Variants in KALRN observed in about 807,000 individuals in gnomAD.
KALRN encodes the protein kalirin.
Under a neutral mutation model 353.7 loss-of-function variants are expected in KALRN, and 70 were observed. The observed-to-expected ratio is 0.20, with a 90% CI of 0.16 to 0.24. The LOEUF is 0.24. KALRN is among the 10% of genes least tolerant of loss of function. The probability of loss-of-function intolerance (pLI) is 1.00; values close to 1 mark genes in which losing one functional copy is unlikely to be tolerated. For missense variants in KALRN, 2,791 were observed against 3,756.7 expected, an observed-to-expected ratio of 0.74 and a Z score of 6.72; for synonymous variants, 1,391 against 1,434.8, an observed-to-expected ratio of 0.97 and a Z score of 0.69.
Position 124,041,244 on chromosome 3 carries a change from G to C in KALRN, c.73+7431G>C, listed in dbSNP as rs185091223. On this transcript the variant is annotated intron_variant, in intron 1 of 59. Coordinates refer to ENST00000682506, the MANE Select transcript of KALRN (RefSeq NM_001388419.1). Reference sequence around the variant, plus strand: ...ACTCCATTTTGCTCTCTACTTACATGAATAACTTGGACAAATGACTTTAAC... The same window carrying C: ...ACTCCATTTTGCTCTCTACTTACATCAATAACTTGGACAAATGACTTTAAC... Among the ~76,000 whole-genome samples, 21 of 152,236 alleles carry C rather than the reference G, an allele frequency of 1.4e-4. No homozygotes were observed. In the East Asian group the frequency reaches 3.7e-3, roughly 27 times the overall value.
chr3:124,475,825 A>G (rs2061379827), intron 26 of KALRN, among the ~76,000 whole-genome samples: 4 of 152,182 alleles, frequency 2.6e-5, no homozygotes, highest in Admixed American at 2.6e-4. Context: ...GTTTCTTCAG[A>G]AAGTCTTAGC....
At chr3:124,069,784 C>G (rs186717627) in intron 1 of KALRN, among the ~76,000 whole-genome samples, 1 of 152,110 alleles carries the variant, frequency 6.6e-6, no homozygotes, top group Non-Finnish European at 1.5e-5. Flanking sequence ...GCAGCTGAAG[C>G]TCAGAGGAAA....
chr3:124,300,213 A>G (rs908770326), intron 6 of KALRN, among the ~76,000 whole-genome samples: 13 of 152,222 alleles, frequency 8.5e-5, no homozygotes, highest in Admixed American at 7.9e-4. Context: ...TTTTAATTAA[A>G]TAATTCTGGC....
At chr3:124,057,703 A>G (rs1407756452) in intron 1 of KALRN, among the ~76,000 whole-genome samples, 1 of 152,158 alleles carries the variant, frequency 6.6e-6, no homozygotes, top group Non-Finnish European at 1.5e-5. Context: ...TGTTGATGTC[A>G]TCAGCTGCTG....
At chr3:124,315,530 T>C (rs1560541163) in intron 6 of KALRN, among the ~76,000 whole-genome samples, 1 of 152,064 alleles carries the variant, frequency 6.6e-6, no homozygotes, top group Non-Finnish European at 1.5e-5. Context: ...GCTGGTTCTC[T>C]ACCCACGATC....
chr3:124,228,599 G>C lies in KALRN; in HGVS notation c.148+535G>C, dbSNP rs144922407. ...AAGACCTCTTAATGTCTCACTCTGG[G>C]GTAAGCAATCTGTAGCTGGTGGGCC... On this transcript the variant is annotated intron_variant, in intron 2 of 59. Transcript: ENST00000682506. Among the ~76,000 whole-genome samples the C allele has an allele frequency of 2.5e-3, 375 of 152,170 alleles. 1 individual carries two copies. The highest frequency in any genetic ancestry group is 8.1e-3 in the African/African-American group (335 of 41,510).
At chr3:124,572,963 G>C (rs1197013410) in intron 34 of KALRN, among the ~76,000 whole-genome samples, 1 of 152,170 alleles carries the variant, frequency 6.6e-6, no homozygotes, top group Non-Finnish European at 1.5e-5. Context: ...CTTGAGCCCA[G>C]GAGGTCGAGC....
Position 124,530,566 on chromosome 3 carries a change from A to AT in KALRN, c.4936-32270dup, listed in dbSNP as rs1392357799. On this transcript the variant is annotated intron_variant, in intron 33 of 59. Coordinates refer to ENST00000682506, the MANE Select transcript of KALRN (RefSeq NM_001388419.1). Reference sequence around the variant, plus strand: ...ACCACCACACTTAACTAATTTTTGTATTTTTTTGTAGAGATGGGGTCTCAC... The same window carrying AT: ...ACCACCACACTTAACTAATTTTTGTATTTTTTTTGTAGAGATGGGGTCTCAC... Among the ~76,000 whole-genome samples the AT allele has an allele frequency of 1.1e-4, 16 of 151,960 alleles. No individual in the cohort carries two copies. The East Asian group carries it at 3.1e-3, about 29-fold the overall frequency.
chr3:124,388,903 T>C (rs926458312), intron 11 of KALRN, among the ~76,000 whole-genome samples: 2 of 152,150 alleles, frequency 1.3e-5, no homozygotes, highest in African/African-American at 4.8e-5. Context: ...GATCCTGAGT[T>C]CATTAACTCT....
Position 124,482,891 on chromosome 3 carries a change from G to A in KALRN, c.4275G>A (p.Leu1425=), listed in dbSNP as rs1316103998. The change falls in exon 28 of 60, where the codon CTG becomes CTA. Residue 1425 remains leucine (L), a synonymous_variant. Coordinates refer to ENST00000682506, the MANE Select transcript of KALRN (RefSeq NM_001388419.1). ...KPVQRITKYQ[L]LLKELLTCCE... is the part of the protein sequence containing the mutation. ...TCCAAAGGATCACCAAATATCAACT[G>A]CTCCTGAAGGTACCTCCCCTCCCCT... is the stretch of plus-strand genomic sequence containing the variant. The A allele has an allele frequency of 6.2e-7, 1 of 1,606,796 alleles. No homozygotes were observed. Among genetic ancestry groups the A allele is most frequent in the African/African-American group, 1.3e-5 (1 of 74,826 alleles).
intron 5 of KALRN, among the ~76,000 whole-genome samples, chr3:124,274,752 A>G (rs924139123): frequency 2.0e-5 from 3 of 151,986 alleles, no homozygotes; most frequent in African/African-American, 7.3e-5. Flanking sequence ...CCCAAATGAG[A>G]ATCTCTCATT....
intron 24 of KALRN, 77 bp downstream of exon 24, chr3:124,462,033 T>C: frequency 9.6e-7 from 1 of 1,037,150 alleles, no homozygotes; most frequent in South Asian, 1.3e-5. Context: ...TCAATTGGAA[T>C]TTGGTGCTAT....
At chr3:124,304,913 T>G in intron 6 of KALRN, among the ~76,000 whole-genome samples, 1 of 152,184 alleles carries the variant, frequency 6.6e-6, no homozygotes, top group East Asian at 1.9e-4. Context: ...CCCCCGGAGA[T>G]GGAGACTCCC....
At chr3:124,243,028 G>A (rs1045492141) in intron 3 of KALRN, among the ~76,000 whole-genome samples, 2 of 152,178 alleles carry the variant, frequency 1.3e-5, no homozygotes, top group Non-Finnish European at 2.9e-5. Flanking sequence ...TGCCTACATT[G>A]GTGGGGTAGT....
At position 124,398,808 on chromosome 3, in the gene KALRN, C is replaced by A; in HGVS notation, c.2283C>A (p.His761Gln). The A allele has an allele frequency of 6.2e-7, 1 of 1,614,160 alleles. No individual in the cohort carries two copies. The highest frequency in any genetic ancestry group is 1.1e-5 in the South Asian group (1 of 91,078). ...AGGTGCAGATGGAGGAGCTGTTCCA[C>A]GAGCGGAAGATCAAGCTGGACATCT... The part of the protein sequence containing the change: ...DAQVQMEELF[H>Q]ERKIKLDIFL... The change falls in exon 13 of 60, where the codon CAC becomes CAA. Residue 761 changes from histidine (H) to glutamine (Q), a missense_variant. His to Gln is a conservative substitution (Grantham distance 24). Transcript: ENST00000682506.
intron 8 of KALRN, among the ~76,000 whole-genome samples, chr3:124,332,993 T>C (rs1265165048): frequency 2.6e-5 from 4 of 152,130 alleles, no homozygotes; most frequent in Admixed American, 2.6e-4. Context: ...TTTGATGCAC[T>C]CACAGTTTCA....
At chr3:124,062,481 G>A (rs1043284239) in intron 1 of KALRN, among the ~76,000 whole-genome samples, 1 of 152,140 alleles carries the variant, frequency 6.6e-6, no homozygotes, top group Non-Finnish European at 1.5e-5. Flanking sequence ...AGACCCACTC[G>A]GGGACATTGT....
At chr3:124,370,909 G>A (rs935957254) in intron 10 of KALRN, among the ~76,000 whole-genome samples, 1 of 152,138 alleles carries the variant, frequency 6.6e-6, no homozygotes, top group African/African-American at 2.4e-5. Context: ...ACATTGATGT[G>A]GATGGTCTGC....
intron 45 of KALRN, among the ~76,000 whole-genome samples, 189 bp from the exon 46 acceptor site, chr3:124,666,260 C>A (rs2085603545): frequency 6.6e-6 from 1 of 152,188 alleles, no homozygotes; most frequent in African/African-American, 2.4e-5. Flanking sequence ...CTTGTGTGAA[C>A]AGGAAAGTGG....
Sources: allele counts gnomAD v4.1 joint callset (sites outside exome capture counted in the v4.1 genomes callset), GRCh38; gene constraint gnomAD v4.1.1; transcripts MANE v1.5; gene names NCBI Gene and HGNC (gene_info 2026-07-23, HGNC 2026-07-21).